Variants in CEPT1 observed in about 807,000 individuals in gnomAD.
CEPT1 encodes the protein choline/ethanolaminephosphotransferase 1.
A neutral mutation model predicts 42.6 loss-of-function variants in CEPT1; 7 were observed. That is an observed-to-expected ratio of 0.16 (90% CI 0.09 to 0.31). The LOEUF (loss-of-function observed/expected upper bound fraction) is 0.31. Among genes scored for constraint, CEPT1 ranks in the 10% least tolerant of loss-of-function variants. The probability of loss-of-function intolerance (pLI) is 1.00; values close to 1 mark genes in which losing one functional copy is unlikely to be tolerated. For missense variants in CEPT1, 306 were observed against 502.1 expected, an observed-to-expected ratio of 0.61 and a Z score of 3.73; for synonymous variants, 171 against 171.9, an observed-to-expected ratio of 0.99 and a Z score of 0.04.
At chr1:111,143,962 T>C (rs1654808648) in intron 1 of CEPT1, among the ~76,000 whole-genome samples, 1 of 152,176 alleles carries the variant, frequency 6.6e-6, no homozygotes, top group African/African-American at 2.4e-5. Flanking sequence ...ACTCCTGAGC[T>C]CAGGTGATCC....
intron 4 of CEPT1, chr1:111,167,622 T>C: frequency 1.0e-6 from 1 of 979,360 alleles, no homozygotes; most frequent in Non-Finnish European, 1.2e-6. Flanking sequence ...TTCTGTTAAC[T>C]TCTTTAGCAT....
intron 2 of CEPT1, among the ~76,000 whole-genome samples, chr1:111,157,582 C>A (rs12078774): frequency 0.012 from 1,881 of 152,300 alleles, 48 homozygotes; most frequent in African/African-American, 0.043. Flanking sequence ...AAGCAGTAGA[C>A]CCAAAGTCCA....
chr1:111,184,186 TC>T lies in CEPT1; in HGVS notation c.1132-3del. 2 of 1,613,274 alleles carry T rather than the reference TC, an allele frequency of 1.2e-6. No individual in the cohort carries two copies. The highest frequency in any genetic ancestry group is 1.7e-6 in the Non-Finnish European group (2 of 1,179,410). The stretch of plus-strand genomic sequence containing the variant: ...GGGTGCTGAGAATGTCTCTTTTCTT[TC>T]CAGGTTTTCTCTTTCTTTGATTTGA... On this transcript the variant is annotated splice_polypyrimidine_tract_variant and splice_region_variant and intron_variant, in intron 8 of 8. Coordinates refer to ENST00000357172, the MANE Select transcript of CEPT1 (RefSeq NM_006090.5).
intron 2 of CEPT1, among the ~76,000 whole-genome samples, chr1:111,155,198 C>A (rs563087481): frequency 6.6e-6 from 1 of 152,132 alleles, no homozygotes; most frequent in African/African-American, 2.4e-5. Flanking sequence ...TCTTTTGGTT[C>A]AATCTTTATA....
chr1:111,173,181 A>G (rs1656507029), intron 4 of CEPT1: 1 of 152,234 alleles, frequency 6.6e-6, no homozygotes, highest in Admixed American at 6.5e-5. Flanking sequence ...AGAATCGATC[A>G]TCTTTGACAC....
At chr1:111,146,618 T>C (rs567930750) in intron 1 of CEPT1, among the ~76,000 whole-genome samples, 1 of 152,224 alleles carries the variant, frequency 6.6e-6, no homozygotes, top group Non-Finnish European at 1.5e-5. Context: ...CTGTACTTAC[T>C]AATTTTTAAT....
intron 8 of CEPT1, 62 bp downstream of exon 8, chr1:111,183,649 T>C: frequency 6.7e-7 from 1 of 1,486,440 alleles, no homozygotes; most frequent in Non-Finnish European, 9.3e-7. Flanking sequence ...TGTTTTCTTA[T>C]TTTGATGACC....
At chr1:111,181,649 G>A (rs1203072930) in intron 5 of CEPT1, 2 of 152,128 alleles carry the variant, frequency 1.3e-5, no homozygotes, top group East Asian at 1.9e-4. Context: ...CTAGCTGCCT[G>A]TATCCTAACA....
intron 2 of CEPT1, among the ~76,000 whole-genome samples, chr1:111,159,065 C>G (rs1454453695): frequency 6.6e-6 from 1 of 150,868 alleles, no homozygotes; most frequent in Non-Finnish European, 1.5e-5. Flanking sequence ...AGGCGCCCGC[C>G]ACTACGCCCG....
At chr1:111,143,542 A>T (rs185188517) in intron 1 of CEPT1, 1 of 152,236 alleles carries the variant, frequency 6.6e-6, no homozygotes, top group African/African-American at 2.4e-5. Flanking sequence ...TGCATTGGAA[A>T]CTGGTAATCT....
At chr1:111,174,841 G>T in intron 4 of CEPT1, 38 bp from the exon 5 acceptor site, 1 of 1,239,664 alleles carries the variant, frequency 8.1e-7, no homozygotes, top group South Asian at 1.2e-5. Flanking sequence ...AAATTGTTGT[G>T]ACTAATTCTG....
chr1:111,142,844 A>C (rs1209717236), intron 1 of CEPT1, among the ~76,000 whole-genome samples: 2 of 152,214 alleles, frequency 1.3e-5, no homozygotes, highest in East Asian at 3.8e-4. Context: ...AGTGCTTTAA[A>C]GGGAGCAGAG....
chr1:111,178,116 T>C (rs1656779099), intron 5 of CEPT1: 1 of 152,212 alleles, frequency 6.6e-6, no homozygotes, highest in South Asian at 2.1e-4. Flanking sequence ...ATACTACATA[T>C]TGAGCTCTCA....
chr1:111,145,588 G>A (rs943571126), intron 1 of CEPT1, among the ~76,000 whole-genome samples: 1 of 152,210 alleles, frequency 6.6e-6, no homozygotes, highest in Admixed American at 6.5e-5. Flanking sequence ...TGTCCCCCTG[G>A]CTGGTACCTA....
chr1:111,140,487 G>T (rs547716128), intron 1 of CEPT1, 180 bp downstream of exon 1: 1 of 152,502 alleles, frequency 6.6e-6, no homozygotes, highest in African/African-American at 2.4e-5. Flanking sequence ...GGGTTGTGGG[G>T]AGGCGAGGGG....
intron 1 of CEPT1, among the ~76,000 whole-genome samples, chr1:111,145,821 G>A (rs566915426): frequency 3.3e-4 from 51 of 152,262 alleles, no homozygotes; most frequent in African/African-American, 9.4e-4. Context: ...GCATTCCAGC[G>A]CTGCCTCCCC....
At chr1:111,141,457 T>A (rs191370581) in intron 1 of CEPT1, among the ~76,000 whole-genome samples, 2 of 152,340 alleles carry the variant, frequency 1.3e-5, no homozygotes, top group East Asian at 3.9e-4. Flanking sequence ...ATTGCACAAT[T>A]TCTTTGTTTT....
At chr1:111,159,328 A>G (rs1244860439) in intron 2 of CEPT1, 52 bp from the exon 3 acceptor site, 29 of 1,555,466 alleles carry the variant, frequency 1.9e-5, no homozygotes, top group Non-Finnish European at 2.3e-5. Flanking sequence ...TGTTAGTCAA[A>G]CATGGTAACT....
chr1:111,155,039 A>AGAG (rs1158807870), intron 2 of CEPT1, among the ~76,000 whole-genome samples: 3 of 152,126 alleles, frequency 2.0e-5, no homozygotes, highest in Admixed American at 6.6e-5. Flanking sequence ...AGTATTTTGG[A>AGAG]ATAGTTTCAG....
Sources: gnomAD v4.1 joint callset for allele counts (sites outside exome capture counted in the v4.1 genomes callset) on GRCh38, gnomAD v4.1.1 for gene constraint, MANE v1.5 for transcripts, NCBI Gene and HGNC (gene_info 2026-07-23, HGNC 2026-07-21) for gene names.